FUT8: variants seen among roughly 807,000 people sequenced by gnomAD.
The protein encoded by FUT8 is fucosyltransferase 8, also known as alpha-(1,6)-fucosyltransferase.
FUT8 carries 29 observed loss-of-function variants against 71.3 expected under a neutral mutation model. The observed-to-expected ratio is 0.41, with a 90% CI of 0.30 to 0.55. The LOEUF (loss-of-function observed/expected upper bound fraction) is 0.55. Ranked by LOEUF, FUT8 falls within the 20% of genes least tolerant of loss-of-function variation. The pLI, the probability that FUT8 is intolerant of heterozygous loss-of-function variation, is 0.34. For missense variants in FUT8, 544 were observed against 702.1 expected, an observed-to-expected ratio of 0.77 and a Z score of 2.55; for synonymous variants, 254 against 239.3, an observed-to-expected ratio of 1.06 and a Z score of -0.57.
chr14:65,724,449 A>G (rs550480694), intron 9 of FUT8, 126 bp downstream of exon 9: 16 of 617,142 alleles, frequency 2.6e-5, no homozygotes, highest in Middle Eastern at 4.4e-4. Flanking sequence ...TAAAAATTCA[A>G]TGGACTATGT....
rs532081858 is a variant in FUT8, at chr14:65,545,066, CA to C, written c.-227-16268del. Among the ~76,000 whole-genome samples, 44 of 151,586 alleles carry C rather than the reference CA, an allele frequency of 2.9e-4. 1 individual carries two copies. In the South Asian group the frequency reaches 9.2e-3, roughly 32 times the overall value. ...TTCATTTCAGTTTAGTTGGTTTTAC[CA>C]AATGCTTTTACATAAAGTAAAAGTT... On this transcript the variant is annotated intron_variant, in intron 2 of 10. Coordinates refer to ENST00000673929, the MANE Select transcript of FUT8 (RefSeq NM_001371533.1).
intron 2 of FUT8, among the ~76,000 whole-genome samples, chr14:65,532,153 G>A (rs1023046298): frequency 6.6e-6 from 1 of 152,128 alleles, no homozygotes; most frequent in Admixed American, 6.5e-5. Context: ...GGGATTCCTG[G>A]ATCGAATGGT....
chr14:65,565,303 A>G (rs1442843227), intron 3 of FUT8, among the ~76,000 whole-genome samples: 3 of 151,904 alleles, frequency 2.0e-5, no homozygotes, highest in East Asian at 1.9e-4. Flanking sequence ...CCACCTGCCA[A>G]TACTGCCATG....
intron 6 of FUT8, among the ~76,000 whole-genome samples, chr14:65,634,123 G>A (rs867158178): frequency 6.6e-6 from 1 of 152,112 alleles, no homozygotes; most frequent in South Asian, 2.1e-4. Flanking sequence ...GAATAGAAAG[G>A]GGGGAAAGGT....
the FUT8 span, among the ~76,000 whole-genome samples, chr14:65,402,180 C>G: frequency 2.0e-5 from 3 of 149,040 alleles, no homozygotes; most frequent in Non-Finnish European, 4.4e-5. Context: ...TGTAGGAGCC[C>G]AAAAGATGGA....
At chr14:65,412,133 G>T (rs549241472), upstream of FUT8, 252 of 456,736 alleles carry the variant, frequency 5.5e-4, no homozygotes, top group Non-Finnish European at 1.0e-3. Context: ...CCCTCGTGGG[G>T]GGGGTCTTTC....
intron 1 of FUT8, among the ~76,000 whole-genome samples, chr14:65,438,779 A>G (rs2065598360): frequency 6.6e-6 from 1 of 152,056 alleles, no homozygotes; most frequent in Admixed American, 6.5e-5. Context: ...TCATCTCTCC[A>G]CTGCTAAGTC....
chr14:65,460,197 T>C (rs1566761148), intron 2 of FUT8, among the ~76,000 whole-genome samples: 1 of 152,240 alleles, frequency 6.6e-6, no homozygotes, highest in Non-Finnish European at 1.5e-5. Context: ...CTTCAATCCA[T>C]GGATCTCTTC....
chr14:65,590,894 T>G (rs924207408), intron 3 of FUT8, among the ~76,000 whole-genome samples: 1 of 152,198 alleles, frequency 6.6e-6, no homozygotes, highest in Non-Finnish European at 1.5e-5. Context: ...ATTTCTGTAC[T>G]TTGGGAATTT....
In FUT8 at chr14:65,629,535, G is replaced by A; in HGVS notation, c.526G>A (p.Ala176Thr). 3 of 1,613,884 alleles carry A rather than the reference G, an allele frequency of 1.9e-6. No individual in the cohort carries two copies. The highest frequency in any genetic ancestry group is 1.7e-6 in the Non-Finnish European group (2 of 1,179,778). ...ATACTACCTCAGTCAGACAGATGGA[G>A]CAGGTGATTGGCGGGAAAAAGAGGC... Reference protein sequence around the residue: ...DLYYLSQTDGAGDWREKEAKD... With the variant: ...DLYYLSQTDGTGDWREKEAKD... The change falls in exon 6 of 11, where the codon GCA becomes ACA. Residue 176 changes from alanine to threonine, a missense_variant. Physicochemically the swap from Ala to Thr is moderately conservative, Grantham distance 58. Transcript: ENST00000673929.
chr14:65,391,472 C>T, the FUT8 span, among the ~76,000 whole-genome samples: 4 of 152,208 alleles, frequency 2.6e-5, no homozygotes, highest in African/African-American at 7.2e-5. Flanking sequence ...TCTCCTGCCT[C>T]AGCCTCAAGA....
chr14:65,480,984 C>T (rs561177447), intron 2 of FUT8, among the ~76,000 whole-genome samples: 17 of 152,256 alleles, frequency 1.1e-4, no homozygotes, highest in African/African-American at 4.1e-4. Context: ...CCATCGTTTT[C>T]AGCCTCTTTA....
In FUT8 at chr14:65,721,940, A is replaced by T; in HGVS notation, c.1001A>T (p.Tyr334Phe). Residue 334 changes from tyrosine to phenylalanine, a missense_variant, in exon 8 of 11, where the codon TAC becomes TTC. Coordinates refer to ENST00000673929, the MANE Select transcript of FUT8 (RefSeq NM_001371533.1). ...TGGTGGGTGTCTCAGTTTGTCAAAT[A>T]CTTGATCCGCCCACAGCCTTGGCTA... ...AVWWVSQFVK[Y>F]LIRPQPWLEK... The T allele has an allele frequency of 6.2e-7, 1 of 1,614,210 alleles. No individual in the cohort carries two copies. The highest frequency in any genetic ancestry group is 8.5e-7 in the Non-Finnish European group (1 of 1,180,044).
intron 3 of FUT8, among the ~76,000 whole-genome samples, chr14:65,593,577 TTTTC>T (rs1176100408): frequency 1.6e-5 from 2 of 126,662 alleles, no homozygotes; most frequent in Non-Finnish European, 3.9e-5. Flanking sequence ...TTTTCTTTTC[TTTTC>T]TTTTTTTTTT....
intron 2 of FUT8, among the ~76,000 whole-genome samples, chr14:65,508,491 G>GGTTTTTT (rs1555366315): frequency 6.5e-5 from 3 of 46,500 alleles, no homozygotes; most frequent in African/African-American, 2.5e-4. Flanking sequence ...AGTTGTTTGA[G>GGTTTTTT]TTTTTTTTTT....
At chr14:65,737,381 T>A (rs1896269105) in intron 10 of FUT8, among the ~76,000 whole-genome samples, 1 of 151,984 alleles carries the variant, frequency 6.6e-6, no homozygotes, top group African/African-American at 2.4e-5. Flanking sequence ...TTCAAGTACG[T>A]CAAGTGAATT....
intron 3 of FUT8, among the ~76,000 whole-genome samples, chr14:65,596,409 T>C (rs1887982875): frequency 6.6e-6 from 1 of 152,220 alleles, no homozygotes; most frequent in African/African-American, 2.4e-5. Context: ...TATTATCATA[T>C]AATTTTATAG....
chr14:65,654,971 T>C (rs1890564180), intron 6 of FUT8, among the ~76,000 whole-genome samples: 2 of 151,920 alleles, frequency 1.3e-5, no homozygotes, highest in Non-Finnish European at 2.9e-5. Context: ...CAGGCTGATC[T>C]CGAACTCTGA....
intron 2 of FUT8, among the ~76,000 whole-genome samples, chr14:65,478,166 A>G (rs934533325): frequency 3.9e-5 from 6 of 152,034 alleles, no homozygotes; most frequent in Non-Finnish European, 7.4e-5. Context: ...TCTATCTTTG[A>G]GGTTTTGAGA....
Sources: gnomAD v4.1 joint callset for allele counts (sites outside exome capture counted in the v4.1 genomes callset) on GRCh38, gnomAD v4.1.1 for gene constraint, MANE v1.5 for transcripts, NCBI Gene and HGNC (gene_info 2026-07-23, HGNC 2026-07-21) for gene names.